CPNE8: variants seen among roughly 807,000 people sequenced by gnomAD.
CPNE8 encodes the protein copine-8.
CPNE8 carries 45 observed loss-of-function variants against 81.5 expected under a neutral mutation model. That is an observed-to-expected ratio of 0.55 (90% CI 0.44 to 0.71). CPNE8 has a LOEUF of 0.71. CPNE8 is among the 30% of genes least tolerant of loss of function. The pLI, the probability that CPNE8 is intolerant of heterozygous loss-of-function variation, is 0.00. For synonymous variants in CPNE8, 252 were observed against 226.3 expected (o/e 1.11, Z -1.02); for missense variants, 594 against 672.1 (o/e 0.88, Z 1.28).
upstream of CPNE8, chr12:38,906,410 G>A: frequency 2.0e-6 from 2 of 985,454 alleles, no homozygotes; most frequent in Non-Finnish European, 2.4e-6. Context: ...TCTCCCCTTG[G>A]TTCTTCGGAG....
intron 4 of CPNE8, among the ~76,000 whole-genome samples, chr12:38,844,904 T>G (rs1434101643): frequency 6.6e-6 from 1 of 152,218 alleles, no homozygotes; most frequent in Non-Finnish European, 1.5e-5. Flanking sequence ...CATCTATCTG[T>G]TGGTCAATTT....
At chr12:38,827,444 C>T (rs1018394829) in intron 6 of CPNE8, among the ~76,000 whole-genome samples, 4 of 152,064 alleles carry the variant, frequency 2.6e-5, no homozygotes, top group African/African-American at 7.2e-5. Flanking sequence ...ACAGAATTAC[C>T]ATTTGACCCA....
chr12:38,894,242 T>C (rs1390484951), intron 1 of CPNE8, among the ~76,000 whole-genome samples: 1 of 152,170 alleles, frequency 6.6e-6, no homozygotes, highest in Non-Finnish European at 1.5e-5. Context: ...AATGGCACAG[T>C]GATTTAAGTG....
At chr12:38,671,153 G>A (rs566384332) in intron 18 of CPNE8, among the ~76,000 whole-genome samples, 2 of 152,236 alleles carry the variant, frequency 1.3e-5, no homozygotes, top group Admixed American at 6.5e-5. Context: ...GATTGAGCAA[G>A]TGATGTTAAT....
At chr12:38,905,339 T>C (rs1180018405) in intron 1 of CPNE8, 98 bp downstream of exon 1, 6 of 1,384,092 alleles carry the variant, frequency 4.3e-6, no homozygotes, top group Admixed American at 2.0e-5. Context: ...GCGCAACTTC[T>C]TGCCTGCGCA....
intron 3 of CPNE8, among the ~76,000 whole-genome samples, chr12:38,866,984 G>A (rs1037856457): frequency 4.6e-5 from 7 of 152,016 alleles, no homozygotes; most frequent in African/African-American, 1.7e-4. Flanking sequence ...TCAACCTCCT[G>A]AGTAGCTAGA....
In CPNE8 at chr12:38,744,121, G is replaced by A. The variant is rs146251415; in HGVS notation, c.723-13763C>T. 2.3e-4 allele frequency among the ~76,000 whole-genome samples: 35 copies of A among 152,276 alleles called. No individual in the cohort carries two copies. The East Asian group carries it at 6.7e-3, about 29-fold the overall frequency. ...AAAGATTCTGGACTTCTGAATATCA[G>A]AAGAAATAGCCGGTTTTCACATAAA... is the stretch of plus-strand genomic sequence containing the variant. On this transcript the variant is annotated intron_variant, in intron 10 of 19. Coordinates refer to ENST00000331366, the MANE Select transcript of CPNE8 (RefSeq NM_153634.3).
upstream of CPNE8, chr12:38,906,248 T>C (rs143844886): frequency 8.1e-6 from 8 of 985,246 alleles, no homozygotes; most frequent in African/African-American, 1.0e-4. Context: ...CACTTGAGAG[T>C]TGGGGACGGT....
intron 4 of CPNE8, among the ~76,000 whole-genome samples, chr12:38,848,159 G>A (rs1943586829): frequency 6.6e-6 from 1 of 152,142 alleles, no homozygotes; most frequent in Non-Finnish European, 1.5e-5. Flanking sequence ...AGGCTACCAA[G>A]GGATGAATGG....
At chr12:38,787,426 C>G (rs991773447) in intron 6 of CPNE8, among the ~76,000 whole-genome samples, 1 of 147,366 alleles carries the variant, frequency 6.8e-6, no homozygotes, top group African/African-American at 2.5e-5. Flanking sequence ...CACAACATAT[C>G]AAACCTATGG....
At chr12:38,899,593 C>T (rs1426871514) in intron 1 of CPNE8, among the ~76,000 whole-genome samples, 5 of 152,244 alleles carry the variant, frequency 3.3e-5, no homozygotes, top group Middle Eastern at 3.4e-3. Flanking sequence ...CAGTGATGTG[C>T]AAGTATATAT....
chr12:38,740,874 G>C (rs547318588), intron 10 of CPNE8, among the ~76,000 whole-genome samples: 2 of 152,254 alleles, frequency 1.3e-5, no homozygotes, highest in South Asian at 2.1e-4. Context: ...GTCTCTGCCA[G>C]GCTTTGGTAT....
At chr12:38,805,679 A>T (rs1248295855) in intron 6 of CPNE8, among the ~76,000 whole-genome samples, 1 of 32,352 alleles carries the variant, frequency 3.1e-5, no homozygotes, top group African/African-American at 4.1e-5. Context: ...AAAAACATTA[A>T]AAAAAAAAAA....
At chr12:38,872,909 A>C in intron 3 of CPNE8, 95 bp downstream of exon 3, 1 of 737,604 alleles carries the variant, frequency 1.4e-6, no homozygotes, top group Non-Finnish European at 2.3e-6. Flanking sequence ...GTTCAAAAGG[A>C]CTTACAATGG....
chr12:38,885,872 TTCTC>T (rs372461869), intron 1 of CPNE8, among the ~76,000 whole-genome samples: 1 of 151,392 alleles, frequency 6.6e-6, no homozygotes, highest in East Asian at 1.9e-4. Flanking sequence ...TACTTCCCCC[TTCTC>T]TCTCTCTCTC....
intron 14 of CPNE8, among the ~76,000 whole-genome samples, chr12:38,696,372 T>TA (rs58877067): frequency 0.025 from 3,513 of 138,760 alleles, 59 homozygotes; most frequent in South Asian, 0.047. Flanking sequence ...TGTTCTATAC[T>TA]AAAAAAAAAA....
intron 10 of CPNE8, 75 bp from the exon 11 acceptor site, chr12:38,730,433 G>A (rs567612157): frequency 2.7e-6 from 2 of 741,714 alleles, no homozygotes; most frequent in African/African-American, 1.8e-5. Context: ...TTTTTAGAAA[G>A]GTTTAATCAT....
intron 6 of CPNE8, among the ~76,000 whole-genome samples, chr12:38,798,001 A>C (rs1942543670): frequency 6.6e-6 from 1 of 152,170 alleles, no homozygotes; most frequent in African/African-American, 2.4e-5. Context: ...TTTAGAGAAA[A>C]AAGAATAAAA....
intron 16 of CPNE8, among the ~76,000 whole-genome samples, chr12:38,684,105 C>T (rs1403074752): frequency 6.6e-6 from 1 of 152,044 alleles, no homozygotes; most frequent in Non-Finnish European, 1.5e-5. Context: ...AAGTGATCTG[C>T]AGGGTAGTGT....
Sources: gnomAD v4.1 joint callset for allele counts (sites outside exome capture counted in the v4.1 genomes callset) on GRCh38, gnomAD v4.1.1 for gene constraint, MANE v1.5 for transcripts, NCBI Gene and HGNC (gene_info 2026-07-23, HGNC 2026-07-21) for gene names.